MAP7: variants seen among roughly 807,000 people sequenced by gnomAD.
MAP7 encodes the protein microtubule associated protein 7, also known as ensconsin.
Under a neutral mutation model 94.8 loss-of-function variants are expected in MAP7, and 52 were observed. That is an observed-to-expected ratio of 0.55 (90% CI 0.44 to 0.69). The LOEUF is 0.69. Ranked by LOEUF, MAP7 falls within the 30% of genes least tolerant of loss-of-function variation. The pLI, the probability that MAP7 is intolerant of heterozygous loss-of-function variation, is 0.00. For synonymous variants in MAP7, 350 were observed against 357.0 expected (o/e 0.98, Z 0.22); for missense variants, 940 against 964.6 (o/e 0.97, Z 0.34).
intron 3 of MAP7, among the ~76,000 whole-genome samples, chr6:136,399,008 G>A (rs1452552868): frequency 2.0e-5 from 3 of 152,194 alleles, no homozygotes; most frequent in African/African-American, 7.2e-5. Flanking sequence ...GACATTCAGA[G>A]ACTAGAGAAA....
In MAP7 at chr6:136,361,012, T is replaced by A. The variant is rs1448233509; in HGVS notation, c.1694A>T (p.Gln565Leu). The A allele has an allele frequency of 6.4e-7, 1 of 1,569,528 alleles. No individual in the cohort carries two copies. Among genetic ancestry groups the A allele is most frequent in the East Asian group, 2.3e-5 (1 of 43,500 alleles). ...GGTGGGGTGCGGCCGCACCTGCCTCTGGGCGCGCTCTGCCTCCTCCCGCTC... is the reference window on the plus strand; with the variant it reads ...GGTGGGGTGCGGCCGCACCTGCCTCAGGGCGCGCTCTGCCTCCTCCCGCTC... ...LREREEAERA[Q>L]RQKEEEARVR... The change falls in exon 12 of 18, where the codon CAG becomes CTG. Residue 565 changes from glutamine to leucine, a missense_variant. Transcript: ENST00000354570.
chr6:136,391,750 C>T (rs1458126795), intron 3 of MAP7, among the ~76,000 whole-genome samples: 1 of 150,470 alleles, frequency 6.6e-6, no homozygotes, highest in African/African-American at 2.4e-5. Context: ...TGTGAGAACA[C>T]ACTTTAAAAG....
intron 1 of MAP7, among the ~76,000 whole-genome samples, chr6:136,442,677 T>C (rs1798227691): frequency 6.6e-6 from 1 of 152,150 alleles, no homozygotes; most frequent in East Asian, 1.9e-4. Context: ...ACTAGAATCA[T>C]CTCCCAGGTG....
At chr6:136,454,754 C>A (rs558539448) in intron 1 of MAP7, among the ~76,000 whole-genome samples, 99 of 152,084 alleles carry the variant, frequency 6.5e-4, no homozygotes, top group African/African-American at 2.2e-3. Context: ...AAAAAGTTAG[C>A]CAGGTGAGGT....
intron 1 of MAP7, among the ~76,000 whole-genome samples, chr6:136,446,488 G>C (rs1407298717): frequency 6.6e-6 from 1 of 152,166 alleles, no homozygotes; most frequent in East Asian, 1.9e-4. Flanking sequence ...CACTGCTAAG[G>C]CATCACTCAT....
chr6:136,425,477 C>A (rs1389238757), intron 1 of MAP7, among the ~76,000 whole-genome samples: 1 of 152,082 alleles, frequency 6.6e-6, no homozygotes, highest in East Asian at 1.9e-4. Flanking sequence ...AATTTAACAA[C>A]TTTTATGTTT....
At chr6:136,414,056 T>C (rs1788412209) in intron 2 of MAP7, among the ~76,000 whole-genome samples, 1 of 151,436 alleles carries the variant, frequency 6.6e-6, no homozygotes, top group African/African-American at 2.4e-5. Flanking sequence ...GAGACCATCC[T>C]GGCTAACAAG....
rs796720786 is a variant in MAP7 at position 136,402,946 on chromosome 6, G to GAAAA, written c.244+8670_244+8673dup. Among the ~76,000 whole-genome samples, 336 of 115,326 alleles carry GAAAA rather than the reference G, an allele frequency of 2.9e-3. 8 individuals are homozygous for GAAAA. The highest frequency in any genetic ancestry group is 0.011 in the African/African-American group (312 of 29,564). 75.7% of individuals were successfully genotyped at this position (115,326 alleles called of 152,430 possible). A position where few individuals can be genotyped will look rare whatever the true frequency, so the allele number is the denominator to read the frequency against. On this transcript the variant is annotated intron_variant, in intron 3 of 17. Coordinates refer to ENST00000354570, the MANE Select transcript of MAP7 (RefSeq NM_003980.6). Reference sequence around the variant, plus strand: ...AAAAAAAAAAAAAAAAAAAAAGAAAGAAAAAGAAAAAGAAAGGACTTACTA... The same window carrying GAAAA: ...AAAAAAAAAAAAAAAAAAAAAGAAAGAAAAAAAAAGAAAAAGAAAGGACTTACTA...
intron 1 of MAP7, among the ~76,000 whole-genome samples, chr6:136,505,385 G>C (rs1279873128): frequency 6.7e-6 from 1 of 149,170 alleles, no homozygotes; most frequent in African/African-American, 2.5e-5. Flanking sequence ...GAGGAAGGGA[G>C]AGAGAGATGA....
intron 3 of MAP7, among the ~76,000 whole-genome samples, chr6:136,400,391 G>A (rs1311680873): frequency 6.0e-5 from 9 of 151,134 alleles, no homozygotes; most frequent in African/African-American, 2.2e-4. Flanking sequence ...ACTCCAGCCT[G>A]GGCAACAGGG....
intron 1 of MAP7, among the ~76,000 whole-genome samples, chr6:136,441,006 T>C (rs1490830175): frequency 6.6e-6 from 1 of 152,174 alleles, no homozygotes; most frequent in Non-Finnish European, 1.5e-5. Context: ...ATCCATGTTG[T>C]CCTAAATGAC....
chr6:136,389,063 C>T (rs1472760802), intron 4 of MAP7, among the ~76,000 whole-genome samples: 1 of 152,138 alleles, frequency 6.6e-6, no homozygotes, highest in African/African-American at 2.4e-5. Flanking sequence ...ACTACAGAAA[C>T]TCAATTACTT....
intron 1 of MAP7, among the ~76,000 whole-genome samples, chr6:136,471,547 G>A (rs1348275323): frequency 3.3e-5 from 5 of 151,690 alleles, no homozygotes; most frequent in African/African-American, 1.2e-4. Context: ...GGAAAAGGAA[G>A]TTGCTGGGGG....
chr6:136,485,468 T>A (rs1317546516), intron 1 of MAP7, among the ~76,000 whole-genome samples: 1 of 152,102 alleles, frequency 6.6e-6, no homozygotes, highest in Admixed American at 6.6e-5. Flanking sequence ...AATTGGAAAT[T>A]TAGGGGAAAT....
chr6:136,527,096 C>T (rs1828020885), intron 1 of MAP7, among the ~76,000 whole-genome samples: 1 of 152,194 alleles, frequency 6.6e-6, no homozygotes, highest in Admixed American at 6.5e-5. Context: ...CACCCTCAAT[C>T]CCTACCGCTC....
intron 1 of MAP7, among the ~76,000 whole-genome samples, chr6:136,536,242 G>GT (rs1219674889): frequency 1.3e-5 from 2 of 151,882 alleles, no homozygotes; most frequent in Non-Finnish European, 2.9e-5. Flanking sequence ...AGGTTTTTTT[G>GT]TTTTTTGTTT....
At chr6:136,379,790 A>G (rs757262217) in intron 6 of MAP7, among the ~76,000 whole-genome samples, 4 of 152,224 alleles carry the variant, frequency 2.6e-5, no homozygotes, top group Non-Finnish European at 5.9e-5. Flanking sequence ...TTTATCTCAA[A>G]TGATTAAAAA....
chr6:136,503,244 T>C (rs1356859345), intron 1 of MAP7, among the ~76,000 whole-genome samples: 1 of 152,162 alleles, frequency 6.6e-6, no homozygotes, highest in African/African-American at 2.4e-5. Flanking sequence ...AACTTAACTT[T>C]TTATGTACTT....
chr6:136,531,447 T>C (rs1828470278), intron 1 of MAP7, among the ~76,000 whole-genome samples: 1 of 144,462 alleles, frequency 6.9e-6, no homozygotes, highest in Non-Finnish European at 1.5e-5. Flanking sequence ...TTAGGAGTAG[T>C]AAAATCATGT....
Sources: allele counts gnomAD v4.1 joint callset (sites outside exome capture counted in the v4.1 genomes callset), GRCh38; gene constraint gnomAD v4.1.1; transcripts MANE v1.5; gene names NCBI Gene and HGNC (gene_info 2026-07-23, HGNC 2026-07-21).